Variants in CDK10 observed in about 807,000 individuals in gnomAD.
CDK10 encodes the protein cyclin-dependent kinase 10.
A neutral mutation model predicts 51.0 loss-of-function variants in CDK10; 55 were observed. The observed-to-expected ratio is 1.08, with a 90% CI of 0.87 to 1.35. The LOEUF (loss-of-function observed/expected upper bound fraction) is 1.35. CDK10 is among the 40% of genes most tolerant of loss of function. CDK10 has a pLI of 0.00. For missense variants in CDK10, 589 were observed against 485.1 expected (o/e 1.21, Z -2.01); for synonymous variants, 255 against 199.1 (o/e 1.28, Z -2.36).
intron 5 of CDK10, chr16:89,692,134 C>T: frequency 1.7e-6 from 1 of 581,998 alleles, no homozygotes; most frequent in South Asian, 2.1e-5. Flanking sequence ...AGCAGGCAGC[C>T]CCGGGGCTGA....
rs1384530879 is a variant in CDK10 at position 89,693,423 on chromosome 16, T to C, written c.564T>C (p.Tyr188=). ...KTADFGLARA[Y]GVPVKPMTPK... ...CGGATTTCGGCCTGGCCCGGGCCTA[T>C]GGTGTCCCAGTAAAGCCAATGACCC... The change falls in exon 8 of 13, where the codon TAT becomes TAC. Residue 188 remains tyrosine, a synonymous_variant. Coordinates refer to ENST00000353379, the MANE Select transcript of CDK10 (RefSeq NM_052988.5). 24 of 1,614,080 alleles carry C rather than the reference T, an allele frequency of 1.5e-5. No individual in the cohort carries two copies. The highest frequency in any genetic ancestry group is 1.8e-5 in the Non-Finnish European group (21 of 1,180,038).
chr16:89,690,635 A>G lies in CDK10; in HGVS notation c.232+11A>G. ...ACAAGGAGAAGGATGGTGAGCAGGAAATTGGGGTGTTGGGACCTCGCACTG... is the reference window on the plus strand; with the variant it reads ...ACAAGGAGAAGGATGGTGAGCAGGAGATTGGGGTGTTGGGACCTCGCACTG... On this transcript the variant is annotated intron_variant, in intron 3 of 12. Coordinates refer to ENST00000353379, the MANE Select transcript of CDK10 (RefSeq NM_052988.5). 6.2e-7 allele frequency: 1 copy of G among 1,612,446 alleles called. No homozygotes were observed.
chr16:89,691,695 T>G (rs1179189214), intron 4 of CDK10, 111 bp from the exon 5 acceptor site: 1 of 1,282,690 alleles, frequency 7.8e-7, no homozygotes, highest in Non-Finnish European at 1.1e-6. Context: ...GCCCATTGTC[T>G]GAGGGGGACA....
intron 11 of CDK10, 65 bp downstream of exon 11, chr16:89,695,135 G>T (rs912885975): frequency 5.7e-6 from 9 of 1,566,818 alleles, no homozygotes; most frequent in Non-Finnish European, 7.8e-6. Flanking sequence ...GTTTCCCAGA[G>T]CCCAGCCTCA....
chr16:89,688,036 G>T (rs12924138), intron 1 of CDK10, among the ~76,000 whole-genome samples: 71,425 of 148,278 alleles, frequency 0.48, 18,194 homozygotes, highest in African/African-American at 0.64. Context: ...AAGGGAAGCC[G>T]GGAAATGGGG....
At chr16:89,693,966 C>T (rs1023139844) in intron 8 of CDK10, 1 of 617,990 alleles carries the variant, frequency 1.6e-6, no homozygotes, top group African/African-American at 1.8e-5. Context: ...CCCTGCGACT[C>T]TCAGGACACC....
At chr16:89,692,808 A>G in intron 6 of CDK10, 1 of 301,290 alleles carries the variant, frequency 3.3e-6, no homozygotes, top group Non-Finnish European at 6.2e-6. Context: ...AGGTCCAAAC[A>G]TCAACAGCAT....
chr16:89,688,947 A>G (rs898008128), intron 1 of CDK10, among the ~76,000 whole-genome samples: 5 of 152,162 alleles, frequency 3.3e-5, no homozygotes, highest in African/African-American at 1.2e-4. Context: ...CTAAAAATAG[A>G]AAATTAGGCG....
intron 6 of CDK10, chr16:89,692,813 C>T (rs1318275210): frequency 3.6e-6 from 1 of 281,158 alleles, no homozygotes; most frequent in Non-Finnish European, 6.7e-6. Flanking sequence ...CAAACATCAA[C>T]AGCATGTAAG....
intron 9 of CDK10, 64 bp from the exon 10 acceptor site, chr16:89,694,601 C>G (rs1201963581): frequency 1.3e-6 from 2 of 1,549,614 alleles, no homozygotes; most frequent in East Asian, 2.4e-5. Flanking sequence ...GTCAGGTCCT[C>G]TGTTCCTCGC....
chr16:89,690,393 T>C, intron 2 of CDK10, 160 bp from the exon 3 acceptor site: 2 of 662,162 alleles, frequency 3.0e-6, no homozygotes, highest in Non-Finnish European at 2.7e-6. Flanking sequence ...CGTCTCGGGC[T>C]AGGGGCGTTG....
chr16:89,687,598 C>G (rs751313986), intron 1 of CDK10: 14 of 446,414 alleles, frequency 3.1e-5, no homozygotes, highest in Admixed American at 3.1e-4. Flanking sequence ...GGGTCTAGCG[C>G]TCTCGCCCAG....
At chr16:89,691,291 A>T (rs1235852459) in intron 3 of CDK10, 152 bp from the exon 4 acceptor site, 3 of 560,018 alleles carry the variant, frequency 5.4e-6, no homozygotes, top group Non-Finnish European at 6.2e-6. Flanking sequence ...CTCAAAAAAA[A>T]AAAAATGCTT....
chr16:89,691,694 C>A, intron 4 of CDK10, 112 bp from the exon 5 acceptor site: 1 of 1,276,772 alleles, frequency 7.8e-7, no homozygotes, highest in Non-Finnish European at 1.1e-6. Flanking sequence ...AGCCCATTGT[C>A]TGAGGGGGAC....
At chr16:89,689,446 G>C in intron 2 of CDK10, 122 bp downstream of exon 2, 1 of 773,894 alleles carries the variant, frequency 1.3e-6, no homozygotes, top group Non-Finnish European at 2.3e-6. Flanking sequence ...TCTGAAACAG[G>C]GCAGAAACCT....
intron 1 of CDK10, among the ~76,000 whole-genome samples, chr16:89,688,881 A>G (rs2060319324): frequency 6.6e-6 from 1 of 152,182 alleles, no homozygotes; most frequent in African/African-American, 2.4e-5. Flanking sequence ...CGGGCAGATC[A>G]CTTGAGGTCA....
rs2060391011 is a variant in CDK10, at chr16:89,690,412, G to C, written c.161-141G>C. On this transcript the variant is annotated intron_variant, in intron 2 of 12. Coordinates refer to ENST00000353379, the MANE Select transcript of CDK10 (RefSeq NM_052988.5). Reference sequence around the variant, plus strand: ...TCGGGCTAGGGGCGTTGCACAGAGTGGGGACTGAGTGTCACTGGGCATGAG... The same window carrying C: ...TCGGGCTAGGGGCGTTGCACAGAGTCGGGACTGAGTGTCACTGGGCATGAG... 12 of 719,480 alleles carry C rather than the reference G, an allele frequency of 1.7e-5. No individual in the cohort carries two copies. The South Asian group carries it at 1.7e-4, about 10-fold the overall frequency. The allele number at this position is 719,480 out of a possible 1,614,324, so 44.6% of individuals were successfully genotyped here.
In CDK10 at chr16:89,688,957, G is replaced by A. The variant is rs1217594296; in HGVS notation, c.88-295G>A. ...CTCTACTAAAAATAGAAAATTAGGC[G>A]GTTGTGGTGGCACCTGCCTGTAATC... is the stretch of plus-strand genomic sequence containing the variant. On this transcript the variant is annotated intron_variant, in intron 1 of 12. Coordinates refer to ENST00000353379, the MANE Select transcript of CDK10 (RefSeq NM_052988.5). 3.9e-5 allele frequency among the ~76,000 whole-genome samples: 6 copies of A among 152,134 alleles called. No homozygotes were observed. In the South Asian group the frequency reaches 1.0e-3, roughly 26 times the overall value.
chr16:89,695,886 C>A lies in CDK10; in HGVS notation c.*194C>A. The A allele has an allele frequency of 3.1e-6, 4 of 1,286,410 alleles. No individual in the cohort carries two copies. The highest frequency in any genetic ancestry group is 3.2e-6 in the Non-Finnish European group (3 of 923,288). 79.7% of individuals were successfully genotyped at this position (1,286,410 alleles called of 1,614,324 possible). A position where few individuals can be genotyped will look rare whatever the true frequency, so the allele number is the denominator to read the frequency against. ...GCCCCCAGAAAAAGGCCGGGTGACA[C>A]CGGGGGGCTCCCAGCCCGTGCACCC... On this transcript the variant is annotated 3_prime_UTR_variant, in exon 13 of 13. Coordinates refer to ENST00000353379, the MANE Select transcript of CDK10 (RefSeq NM_052988.5).
Sources: gnomAD v4.1 joint callset for allele counts (sites outside exome capture counted in the v4.1 genomes callset) on GRCh38, gnomAD v4.1.1 for gene constraint, MANE v1.5 for transcripts, NCBI Gene and HGNC (gene_info 2026-07-23, HGNC 2026-07-21) for gene names.